The following MGAT4C variants were observed in gnomAD, a reference collection of about 807,000 sequenced individuals.
MGAT4C encodes the protein alpha-1,3-mannosyl-glycoprotein 4-beta-N-acetylglucosaminyltransferase C.
In MGAT4C, 19 loss-of-function variants were observed where a neutral mutation model predicts 40.1. The observed-to-expected ratio is 0.47, with a 90% CI of 0.33 to 0.70. MGAT4C has a LOEUF of 0.70. Ranked by LOEUF, MGAT4C falls within the 30% of genes least tolerant of loss-of-function variation. The probability of loss-of-function intolerance (pLI) is 0.02; values close to 1 mark genes in which losing one functional copy is unlikely to be tolerated. For synonymous variants in MGAT4C, 181 were observed against 187.1 expected, an observed-to-expected ratio of 0.97 and a Z score of 0.27; for missense variants, 491 against 563.2, an observed-to-expected ratio of 0.87 and a Z score of 1.30.
chr12:86,757,673 T>C (rs1288859111), intron 1 of MGAT4C, among the ~76,000 whole-genome samples: 3 of 152,288 alleles, frequency 2.0e-5, no homozygotes, highest in Non-Finnish European at 2.9e-5. Context: ...TAGATATTTA[T>C]GCTTAAAAAT....
intron 2 of MGAT4C, among the ~76,000 whole-genome samples, chr12:86,643,361 A>G (rs1209347157): frequency 6.6e-6 from 1 of 151,882 alleles, no homozygotes; most frequent in Non-Finnish European, 1.5e-5. Flanking sequence ...AAAATAATTG[A>G]AAACATATGC....
At chr12:86,476,376 C>T (rs185527935) in intron 2 of MGAT4C, among the ~76,000 whole-genome samples, 47 of 152,066 alleles carry the variant, frequency 3.1e-4, no homozygotes, top group Admixed American at 9.2e-4. Flanking sequence ...CAAATCAAAA[C>T]CACAATGAAA....
chr12:86,037,573 G>A (rs1326012626), intron 2 of MGAT4C, among the ~76,000 whole-genome samples: 1 of 150,134 alleles, frequency 6.7e-6, no homozygotes, highest in Non-Finnish European at 1.5e-5. Context: ...GGAGCAGGTT[G>A]TTTAGTTTCC....
intron 1 of MGAT4C, among the ~76,000 whole-genome samples, chr12:86,743,088 G>T (rs1423918129): frequency 6.7e-6 from 1 of 148,736 alleles, no homozygotes; most frequent in Non-Finnish European, 1.5e-5. Context: ...GTGTATGTGT[G>T]TATGTGTGTG....
chr12:86,721,184 C>T (rs571118875), intron 2 of MGAT4C, among the ~76,000 whole-genome samples: 13 of 152,162 alleles, frequency 8.5e-5, no homozygotes, highest in African/African-American at 2.6e-4. Flanking sequence ...ATGTGTCAAA[C>T]GTGCAAGAAT....
In MGAT4C at chr12:86,628,317, C is replaced by T. The variant is rs184006684; in HGVS notation, c.-229+98892G>A. ...GGGAGAATGGAACTAAGCTGGAAAA[C>T]ACTCTTCAGTATATTATCCGGGAGA... On this transcript the variant is annotated intron_variant, in intron 2 of 7. Coordinates refer to the MGAT4C transcript ENST00000548651. Among the ~76,000 whole-genome samples the T allele has an allele frequency of 2.9e-3, 447 of 152,290 alleles. 3 individuals carry two copies. Among genetic ancestry groups the T allele is most frequent in the Non-Finnish European group, 2.9e-3 (197 of 68,028 alleles).
intron 1 of MGAT4C, among the ~76,000 whole-genome samples, chr12:86,190,889 C>T (rs1485248281): frequency 1.3e-5 from 2 of 151,916 alleles, no homozygotes; most frequent in African/African-American, 2.4e-5. Context: ...AAGCAAAAAC[C>T]GAGGTTTTCC....
intron 2 of MGAT4C, among the ~76,000 whole-genome samples, chr12:86,694,952 A>C (rs1950229944): frequency 6.6e-6 from 1 of 152,204 alleles, no homozygotes; most frequent in African/African-American, 2.4e-5. Flanking sequence ...CTAAGCAGCA[A>C]ACGAAACAAT....
chr12:86,753,821 A>C (rs1951260440), intron 1 of MGAT4C, among the ~76,000 whole-genome samples: 1 of 152,126 alleles, frequency 6.6e-6, no homozygotes, highest in Non-Finnish European at 1.5e-5. Context: ...AAGTACTATA[A>C]ATTTAGACTG....
At chr12:86,500,153 T>C (rs1958313589) in intron 2 of MGAT4C, among the ~76,000 whole-genome samples, 1 of 151,952 alleles carries the variant, frequency 6.6e-6, no homozygotes, top group Non-Finnish European at 1.5e-5. Flanking sequence ...TACATGTATG[T>C]GTGTATGTAT....
intron 2 of MGAT4C, among the ~76,000 whole-genome samples, chr12:86,573,357 G>T (rs1204484195): frequency 2.0e-5 from 3 of 151,914 alleles, no homozygotes; most frequent in Non-Finnish European, 1.5e-5. Context: ...TCCTCTAATT[G>T]TATCTATAAG....
intron 2 of MGAT4C, among the ~76,000 whole-genome samples, chr12:86,656,548 T>C (rs1383730811): frequency 1.3e-5 from 2 of 152,108 alleles, no homozygotes; most frequent in African/African-American, 4.8e-5. Context: ...ACCAGGTTTC[T>C]GAACTGGAAT....
At chr12:86,581,645 G>A (rs1295925733) in intron 2 of MGAT4C, among the ~76,000 whole-genome samples, 1 of 151,380 alleles carries the variant, frequency 6.6e-6, no homozygotes, top group Non-Finnish European at 1.5e-5. Flanking sequence ...CAAGAATATA[G>A]AAGAACTATC....
rs115239238 is a variant in MGAT4C at position 86,088,142 on chromosome 12, A to G, written c.-56-38419T>C. Among the ~76,000 whole-genome samples the G allele has an allele frequency of 9.7e-4, 148 of 152,110 alleles. 2 individuals carry two copies. The highest frequency in any genetic ancestry group is 3.5e-3 in the African/African-American group (144 of 41,538). On this transcript the variant is annotated intron_variant, in intron 1 of 4. Transcript: ENST00000611864. ...AGCAGTGGGGAAAGGTGCTTCAATA[A>G]ATGGTGCTGGGATAACTGGCTAGCC...
intron 2 of MGAT4C, among the ~76,000 whole-genome samples, chr12:86,035,935 TA>T (rs1891200628): frequency 6.7e-6 from 1 of 150,028 alleles, no homozygotes; most frequent in Non-Finnish European, 1.5e-5. Flanking sequence ...CATTGGTCTA[TA>T]TATCTTTTTG....
At chr12:86,354,878 G>A (rs1003900933) in intron 3 of MGAT4C, among the ~76,000 whole-genome samples, 4 of 152,184 alleles carry the variant, frequency 2.6e-5, no homozygotes, top group Admixed American at 6.6e-5. Context: ...AAGACCCAAA[G>A]AGTGAGCAGC....
chr12:86,088,849 C>T (rs1872376976), intron 1 of MGAT4C, among the ~76,000 whole-genome samples: 1 of 151,888 alleles, frequency 6.6e-6, no homozygotes, highest in South Asian at 2.1e-4. Flanking sequence ...TCCTCAAGGA[C>T]CTAAAAGTAG....
intron 2 of MGAT4C, among the ~76,000 whole-genome samples, chr12:86,624,764 A>G (rs1962747994): frequency 6.6e-6 from 1 of 152,172 alleles, no homozygotes; most frequent in African/African-American, 2.4e-5. Flanking sequence ...AAGCACAGAC[A>G]GAGAAAGGTA....
intron 1 of MGAT4C, among the ~76,000 whole-genome samples, chr12:86,780,985 G>A (rs1336075710): frequency 6.6e-6 from 1 of 151,044 alleles, no homozygotes; most frequent in African/African-American, 2.4e-5. Context: ...CAAAAGACAC[G>A]ATTTCATTCC....
Sources: allele counts gnomAD v4.1 joint callset (sites outside exome capture counted in the v4.1 genomes callset), GRCh38; gene constraint gnomAD v4.1.1; transcripts MANE v1.5; gene names NCBI Gene and HGNC (gene_info 2026-07-23, HGNC 2026-07-21).